The following DNASE1 variants were observed in gnomAD, a reference collection of about 807,000 sequenced individuals.
DNASE1 encodes the protein deoxyribonuclease-1.
A neutral mutation model predicts 33.9 loss-of-function variants in DNASE1; 40 were observed. That is an observed-to-expected ratio of 1.18 (90% CI 0.92 to 1.54). The LOEUF (loss-of-function observed/expected upper bound fraction) is 1.54. DNASE1 is among the 40% of genes most tolerant of loss of function. DNASE1 has a pLI of 0.00. For missense variants in DNASE1, 518 were observed against 372.6 expected, an observed-to-expected ratio of 1.39 and a Z score of -3.21; for synonymous variants, 216 against 160.0, an observed-to-expected ratio of 1.35 and a Z score of -2.64.
intron 1 of DNASE1, among the ~76,000 whole-genome samples, chr16:3,618,405 C>G (rs141532520): frequency 6.6e-6 from 1 of 152,146 alleles, no homozygotes; most frequent in African/African-American, 2.4e-5. Context: ...TCAGCAATTC[C>G]GCTTCTAAGG....
chr16:3,649,509 G>A (rs2042270413), intron 1 of DNASE1, among the ~76,000 whole-genome samples: 1 of 152,198 alleles, frequency 6.6e-6, no homozygotes, highest in South Asian at 2.1e-4. Flanking sequence ...GTAGAACTGA[G>A]AATTTCTTTG....
Position 3,663,412 on chromosome 16 carries a change from G to A in DNASE1, c.*5459G>A, listed in dbSNP as rs181621078. The A allele has an allele frequency of 6.9e-4, 1,118 of 1,614,048 alleles. 9 individuals are homozygous for A. In the African/African-American group the frequency reaches 0.013, roughly 19 times the overall value. The stretch of plus-strand genomic sequence containing the variant: ...AAACCAGCCCCACGCCTAGAGAGCA[G>A]GGGATGCCGACCTGGGGACCTGTCC... On this transcript the variant is annotated 3_prime_UTR_variant, in exon 10 of 10. Transcript: ENST00000407479.
At chr16:3,648,095 G>A (rs1444920903) in intron 1 of DNASE1, among the ~76,000 whole-genome samples, 1 of 152,194 alleles carries the variant, frequency 6.6e-6, no homozygotes, top group Admixed American at 6.5e-5. Flanking sequence ...TCAAACTTGG[G>A]AGGCCGGAGG....
At chr16:3,664,250 C>CCGCCGGGT in exon 10 of DNASE1, 1 of 1,538,272 alleles carries the variant, frequency 6.5e-7, no homozygotes. Flanking sequence ...CCCCCGGAGC[C>CCGCCGGGT]CGCCCCACCC....
chr16:3,648,795 T>C (rs539039095), intron 1 of DNASE1, among the ~76,000 whole-genome samples: 9 of 152,382 alleles, frequency 5.9e-5, no homozygotes, highest in African/African-American at 1.4e-4. Context: ...AATGTCTGTT[T>C]GCATGAATAA....
chr16:3,664,100 C>T lies in DNASE1; in HGVS notation c.*6147C>T, dbSNP rs2050764679. ...AACAAACAAAAAAAACCACATGTGA[C>T]CTCCAAGTGGGAAACAGCCGTCACA... On this transcript the variant is annotated 3_prime_UTR_variant, in exon 10 of 10. Coordinates refer to the DNASE1 transcript ENST00000407479. 6.2e-6 allele frequency: 4 copies of T among 646,970 alleles called. No individual in the cohort carries two copies. The South Asian group carries it at 1.1e-4, about 17-fold the overall frequency. The allele number at this position is 646,970 out of a possible 1,614,324, so 40.1% of individuals were successfully genotyped here.
downstream of DNASE1, chr16:3,658,146 C>T (rs1478186872): frequency 1.1e-5 from 17 of 1,614,090 alleles, no homozygotes; most frequent in Admixed American, 1.7e-5. Context: ...CGCTCCAGGG[C>T]CTTGACAAGC....
intron 1 of DNASE1, among the ~76,000 whole-genome samples, chr16:3,646,947 C>G (rs889256794): frequency 6.6e-6 from 1 of 152,088 alleles, no homozygotes; most frequent in African/African-American, 2.4e-5. Flanking sequence ...AGGAAATAAT[C>G]TGGGGCCATT....
chr16:3,656,906 C>CG lies in DNASE1; in HGVS notation c.437-87dup, dbSNP rs1012267707. 97 of 1,554,682 alleles carry CG rather than the reference C, an allele frequency of 6.2e-5. No individual in the cohort carries two copies. The African/African-American group carries it at 1.2e-3, about 19-fold the overall frequency. On this transcript the variant is annotated intron_variant, in intron 5 of 8. Transcript: ENST00000246949. Reference sequence around the variant, plus strand: ...AGTCATTTGGAAAATATCCACCCCCCGGGGGGACTGTCATGATACATAGTT... The same window carrying CG: ...AGTCATTTGGAAAATATCCACCCCCCGGGGGGGACTGTCATGATACATAGTT...
chr16:3,627,315 A>G lies in DNASE1; in HGVS notation c.-1358-13400A>G, dbSNP rs1477137442. On this transcript the variant is annotated intron_variant and NMD_transcript_variant, in intron 1 of 11. Transcript: ENST00000570769. ...TTAGACAGGGTGGTCTTGCTCTGTC[A>G]CCCTGGCTGGAGTGCAGTGGCATGA... Among the ~76,000 whole-genome samples, 16 of 147,216 alleles carry G rather than the reference A, an allele frequency of 1.1e-4. No individual in the cohort carries two copies. In the East Asian group the frequency reaches 3.0e-3, roughly 27 times the overall value.
Position 3,658,013 on chromosome 16 carries a change from C to T in DNASE1, c.*60C>T. 6.2e-7 allele frequency: 1 copy of T among 1,611,662 alleles called. No homozygotes were observed. The highest frequency in any genetic ancestry group is 8.5e-7 in the Non-Finnish European group (1 of 1,178,814). Reference sequence around the variant, plus strand: ...GAGAGGACCCATCCTGCCACAGGACCCAGAAAAAAAGCCCAACACACACTC... The same window carrying T: ...GAGAGGACCCATCCTGCCACAGGACTCAGAAAAAAAGCCCAACACACACTC... On this transcript the variant is annotated 3_prime_UTR_variant, in exon 9 of 9. Transcript: ENST00000246949.
At chr16:3,657,441 A>G (rs1286722009) in intron 7 of DNASE1, 100 bp downstream of exon 7, 2 of 1,478,302 alleles carry the variant, frequency 1.4e-6, no homozygotes, top group South Asian at 2.5e-5. Context: ...TTGAACACTC[A>G]CCCAACTGAG....
downstream of DNASE1, chr16:3,661,801 G>T: frequency 4.5e-6 from 3 of 660,926 alleles, no homozygotes; most frequent in Non-Finnish European, 6.7e-6. Flanking sequence ...CCTGGGGATG[G>T]TAAGGGGCTG....
chr16:3,629,685 A>G (rs1312847252), intron 1 of DNASE1, among the ~76,000 whole-genome samples: 5 of 152,240 alleles, frequency 3.3e-5, no homozygotes. Context: ...GTTTGGTAGA[A>G]TTAATCAGTG....
chr16:3,643,787 A>C (rs2042091498), intron 1 of DNASE1, among the ~76,000 whole-genome samples: 1 of 152,072 alleles, frequency 6.6e-6, no homozygotes, highest in Non-Finnish European at 1.5e-5. Context: ...TTTGAGATGG[A>C]GTCTCGCTCT....
chr16:3,655,748 C>T, intron 2 of DNASE1, 101 bp from the exon 3 acceptor site: 3 of 1,500,998 alleles, frequency 2.0e-6, no homozygotes, highest in Admixed American at 3.4e-5. Flanking sequence ...TGCGGTTAAA[C>T]CGAGCAATGC....
intron 1 of DNASE1, among the ~76,000 whole-genome samples, chr16:3,629,407 A>G (rs562969806): frequency 6.6e-6 from 1 of 152,260 alleles, no homozygotes; most frequent in East Asian, 1.9e-4. Context: ...TGTAGGTTGG[A>G]CCATCCATGC....
chr16:3,662,152 T>C (rs1321375122), downstream of DNASE1: 2 of 1,604,274 alleles, frequency 1.2e-6, no homozygotes, highest in Non-Finnish European at 1.7e-6. Context: ...AAGCCCGGGG[T>C]TGAGGGTGAT....
upstream of DNASE1, among the ~76,000 whole-genome samples, chr16:3,639,375 T>C (rs2041966852): frequency 6.6e-6 from 1 of 152,202 alleles, no homozygotes; most frequent in African/African-American, 2.4e-5. Flanking sequence ...GCCTGGCAGC[T>C]TTCTGGTGAG....
Sources: gnomAD v4.1 joint callset for allele counts (sites outside exome capture counted in the v4.1 genomes callset) on GRCh38, gnomAD v4.1.1 for gene constraint, MANE v1.5 for transcripts, NCBI Gene and HGNC (gene_info 2026-07-23, HGNC 2026-07-21) for gene names.